RCAN2: variants seen among roughly 807,000 people sequenced by gnomAD.
The protein encoded by RCAN2 is calcipressin-2.
RCAN2 carries 9 observed loss-of-function variants against 23.6 expected under a neutral mutation model. The ratio of observed to expected loss-of-function variants is 0.38; its 90% CI spans 0.23 to 0.67. The LOEUF is 0.67. Among genes scored for constraint, RCAN2 ranks in the 30% least tolerant of loss-of-function variants. RCAN2 has a pLI of 0.51. For missense variants in RCAN2, 273 were observed against 302.3 expected (o/e 0.90, Z 0.72); for synonymous variants, 109 against 115.7 (o/e 0.94, Z 0.37).
chr6:46,358,116 T>A (rs1171971009), intron 2 of RCAN2, among the ~76,000 whole-genome samples: 3 of 152,114 alleles, frequency 2.0e-5, no homozygotes, highest in Non-Finnish European at 4.4e-5. Flanking sequence ...ACGCCCTAGG[T>A]CTAGAATGAC....
rs77028430 is a variant in RCAN2 at position 46,223,556 on chromosome 6, T to C, written c.572-255A>G. Among the ~76,000 whole-genome samples the C allele has an allele frequency of 8.0e-3, 1,222 of 152,274 alleles. 27 individuals carry two copies. The highest frequency in any genetic ancestry group is 0.028 in the African/African-American group (1,179 of 41,562). On this transcript the variant is annotated intron_variant, in intron 4 of 4. Coordinates refer to ENST00000371374, the MANE Select transcript of RCAN2 (RefSeq NM_001251974.2). ...TAGCCTCCACATCCTTTACCGTAAA[T>C]TTCAACATGGTAATACTTCCACTCT...
chr6:46,404,886 G>A (rs949655202), intron 2 of RCAN2, among the ~76,000 whole-genome samples: 2 of 152,232 alleles, frequency 1.3e-5, no homozygotes, highest in East Asian at 1.9e-4. Context: ...CTTCTTCCAC[G>A]TACTGAAGAA....
At chr6:46,225,547 T>G (rs576370269) in intron 4 of RCAN2, among the ~76,000 whole-genome samples, 50 of 152,322 alleles carry the variant, frequency 3.3e-4, no homozygotes, top group African/African-American at 1.2e-3. Flanking sequence ...TGATGAGCAC[T>G]TTTTCATGTG....
intron 1 of RCAN2, among the ~76,000 whole-genome samples, chr6:46,483,845 G>A (rs1768927941): frequency 6.6e-6 from 1 of 152,178 alleles, no homozygotes; most frequent in African/African-American, 2.4e-5. Context: ...CAGGACAAAA[G>A]TAACCTATTC....
chr6:46,382,064 G>C (rs1403283622), intron 2 of RCAN2, among the ~76,000 whole-genome samples: 1 of 152,142 alleles, frequency 6.6e-6, no homozygotes, highest in African/African-American at 2.4e-5. Context: ...ATTCTGATAT[G>C]CTAATGTGGA....
chr6:46,412,174 T>C (rs1008748675), intron 2 of RCAN2, among the ~76,000 whole-genome samples: 1 of 152,038 alleles, frequency 6.6e-6, no homozygotes, highest in African/African-American at 2.4e-5. Context: ...ATGGATTATA[T>C]ATTAAGAAGA....
chr6:46,272,684 A>G (rs1767559820), intron 2 of RCAN2, among the ~76,000 whole-genome samples: 1 of 152,202 alleles, frequency 6.6e-6, no homozygotes, highest in African/African-American at 2.4e-5. Context: ...ATACTCTTTA[A>G]TTTTTCTGTA....
At chr6:46,390,748 A>G (rs1347906291) in intron 2 of RCAN2, among the ~76,000 whole-genome samples, 1 of 152,232 alleles carries the variant, frequency 6.6e-6, no homozygotes, top group African/African-American at 2.4e-5. Context: ...AAGCAAGAAG[A>G]TTAAAGGTGA....
At chr6:46,237,380 G>A (rs554041171) in intron 4 of RCAN2, among the ~76,000 whole-genome samples, 3 of 152,262 alleles carry the variant, frequency 2.0e-5, no homozygotes, top group African/African-American at 7.2e-5. Flanking sequence ...AGGAAGTTTT[G>A]GACTCTGGAA....
chr6:46,445,448 C>T (rs1767678466), intron 2 of RCAN2, among the ~76,000 whole-genome samples: 1 of 152,132 alleles, frequency 6.6e-6, no homozygotes, highest in African/African-American at 2.4e-5. Flanking sequence ...AAGGACTTCC[C>T]CAGACAAAGC....
chr6:46,254,401 C>T (rs992480844), intron 2 of RCAN2, among the ~76,000 whole-genome samples: 9 of 152,116 alleles, frequency 5.9e-5, no homozygotes, highest in South Asian at 4.1e-4. Context: ...GTATTGAATG[C>T]TGCAGGAAGG....
intron 2 of RCAN2, among the ~76,000 whole-genome samples, chr6:46,416,072 T>C (rs1389276566): frequency 6.6e-6 from 1 of 152,204 alleles, no homozygotes; most frequent in African/African-American, 2.4e-5. Context: ...ACAGACACAG[T>C]ATTTTTTAAT....
chr6:46,402,996 G>A (rs547559384), intron 2 of RCAN2, among the ~76,000 whole-genome samples: 9 of 149,718 alleles, frequency 6.0e-5, no homozygotes, highest in South Asian at 2.1e-4. Context: ...ACGGAGTCTC[G>A]CTCTGTTACC....
At chr6:46,436,126 G>T (rs887063599) in intron 2 of RCAN2, among the ~76,000 whole-genome samples, 8 of 152,200 alleles carry the variant, frequency 5.3e-5, no homozygotes, top group Non-Finnish European at 2.9e-5. Context: ...TTCTTCTGAG[G>T]GTAGTGAGAC....
At chr6:46,396,767 G>A (rs183785710) in intron 2 of RCAN2, among the ~76,000 whole-genome samples, 1 of 152,176 alleles carries the variant, frequency 6.6e-6, no homozygotes, top group African/African-American at 2.4e-5. Context: ...TTTCAAAGAG[G>A]CATCTATCCC....
chr6:46,363,900 TA>T (rs1386676850), intron 2 of RCAN2, among the ~76,000 whole-genome samples: 1 of 152,182 alleles, frequency 6.6e-6, no homozygotes, highest in African/African-American at 2.4e-5. Flanking sequence ...AGAGCATACA[TA>T]TATATAAGCC....
At chr6:46,296,641 A>G (rs1255553795) in intron 2 of RCAN2, among the ~76,000 whole-genome samples, 1 of 152,184 alleles carries the variant, frequency 6.6e-6, no homozygotes, top group Non-Finnish European at 1.5e-5. Context: ...GAGGAATAGC[A>G]GCATGAAATA....
intron 2 of RCAN2, among the ~76,000 whole-genome samples, chr6:46,299,021 C>T (rs544061547): frequency 1.8e-4 from 28 of 152,118 alleles, no homozygotes; most frequent in Admixed American, 7.9e-4. Context: ...AAACAAAATA[C>T]CCCATGCTCT....
chr6:46,431,567 G>T (rs890027484), intron 2 of RCAN2, among the ~76,000 whole-genome samples: 1 of 152,138 alleles, frequency 6.6e-6, no homozygotes, highest in Non-Finnish European at 1.5e-5. Context: ...GCATCTGAAC[G>T]ACTCAAATAT....
Sources: gnomAD v4.1 joint callset for allele counts (sites outside exome capture counted in the v4.1 genomes callset) on GRCh38, gnomAD v4.1.1 for gene constraint, MANE v1.5 for transcripts, NCBI Gene and HGNC (gene_info 2026-07-23, HGNC 2026-07-21) for gene names.